The following ARHGAP39 variants were observed in gnomAD, a reference collection of about 807,000 sequenced individuals.
ARHGAP39 encodes the protein rho GTPase-activating protein 39.
A neutral mutation model predicts 106.9 loss-of-function variants in ARHGAP39; 44 were observed. The ratio of observed to expected loss-of-function variants is 0.41; its 90% CI spans 0.32 to 0.53. ARHGAP39 has a LOEUF of 0.53. ARHGAP39 is among the 20% of genes least tolerant of loss of function. The probability of loss-of-function intolerance (pLI) is 0.21; values close to 1 mark genes in which losing one functional copy is unlikely to be tolerated. For missense variants in ARHGAP39, 1,496 were observed against 1,577.3 expected (o/e 0.95, Z 0.87); for synonymous variants, 768 against 693.2 (o/e 1.11, Z -1.69).
Position 144,533,113 on chromosome 8 carries a change from G to T in ARHGAP39, c.2888+13C>A, listed in dbSNP as rs771555451. ...GTGGCCCCCACACCCGGCGCCCGGG[G>T]TTGCCGTGGCACCTGAAGATGCCCT... On this transcript the variant is annotated intron_variant, in intron 9 of 11. Transcript: ENST00000377307. 3 of 1,593,352 alleles carry T rather than the reference G, an allele frequency of 1.9e-6. No individual in the cohort carries two copies. Among genetic ancestry groups the T allele is most frequent in the Non-Finnish European group, 2.6e-6 (3 of 1,171,150 alleles).
chr8:144,600,768 C>A (rs546362810), intron 2 of ARHGAP39, among the ~76,000 whole-genome samples: 1 of 149,682 alleles, frequency 6.7e-6, no homozygotes, highest in Non-Finnish European at 1.5e-5. Flanking sequence ...TACCTACCTG[C>A]GTGTGCATGG....
chr8:144,648,945 C>T (rs758686918), intron 1 of ARHGAP39, among the ~76,000 whole-genome samples: 2 of 152,006 alleles, frequency 1.3e-5, no homozygotes, highest in Non-Finnish European at 2.9e-5. Context: ...CCGAAAGAAT[C>T]AGAGGGCAAG....
chr8:144,672,995 T>A (rs1822137638), intron 1 of ARHGAP39, among the ~76,000 whole-genome samples: 1 of 152,068 alleles, frequency 6.6e-6, no homozygotes, highest in Admixed American at 6.5e-5. Context: ...AGCGGGAGGA[T>A]CACTTGAGCC....
chr8:144,594,313 G>T (rs1208391652), intron 2 of ARHGAP39, among the ~76,000 whole-genome samples: 1 of 152,188 alleles, frequency 6.6e-6, no homozygotes, highest in East Asian at 1.9e-4. Context: ...AGGATGTGGA[G>T]AAACTGGAAC....
rs567471037 is a variant in ARHGAP39, at chr8:144,604,167, G to A, written c.80+1368C>T. ...GGCACAAAGCATCAGACACGGAGCCGGGCCCAGAGCGCCCAGAGGTGGCCG... is the reference window on the plus strand; with the variant it reads ...GGCACAAAGCATCAGACACGGAGCCAGGCCCAGAGCGCCCAGAGGTGGCCG... On this transcript the variant is annotated intron_variant, in intron 2 of 11. Transcript: ENST00000377307. This position sits in a 1 kb window ranked among gnomAD's most constrained non-coding sequence, Gnocchi z 4.1. Among the ~76,000 whole-genome samples the A allele has an allele frequency of 5.9e-5, 9 of 152,304 alleles. No homozygotes were observed. The highest frequency in any genetic ancestry group is 7.3e-5 in the Non-Finnish European group (5 of 68,034).
rs1821401422 is a variant in ARHGAP39, at chr8:144,644,766, T to C, written c.-81-39071A>G. Among the ~76,000 whole-genome samples, 1 of 152,188 alleles carries C rather than the reference T, an allele frequency of 6.6e-6. No homozygotes were observed. The highest frequency in any genetic ancestry group is 2.1e-4 in the South Asian group (1 of 4,828). On this transcript the variant is annotated intron_variant, in intron 1 of 11. Coordinates refer to ENST00000377307, the MANE Select transcript of ARHGAP39 (RefSeq NM_025251.3). The surrounding 1 kb of genome is among the most constrained non-coding windows in gnomAD (Gnocchi z 4.8). ...GCACCTGGCCTTTCAGCACCAGGTGTCTGCACAGCTCTTGGCTGCACCTGC... is the reference window on the plus strand; with the variant it reads ...GCACCTGGCCTTTCAGCACCAGGTGCCTGCACAGCTCTTGGCTGCACCTGC...
intron 1 of ARHGAP39, among the ~76,000 whole-genome samples, chr8:144,649,835 T>C (rs991577388): frequency 2.0e-5 from 3 of 152,058 alleles, no homozygotes; most frequent in Non-Finnish European, 2.9e-5. Flanking sequence ...AACACCTCTA[T>C]GCACACAAAC....
chr8:144,580,459 C>T (rs1215788715), intron 3 of ARHGAP39, among the ~76,000 whole-genome samples: 2 of 152,214 alleles, frequency 1.3e-5, no homozygotes, highest in Admixed American at 1.3e-4. Context: ...GAGCGCCAGG[C>T]TCTGCTGCCC....
At chr8:144,595,371 G>A (rs1051377063) in intron 2 of ARHGAP39, among the ~76,000 whole-genome samples, 2 of 152,204 alleles carry the variant, frequency 1.3e-5, no homozygotes, top group African/African-American at 4.8e-5. Flanking sequence ...GTCTGGAGCA[G>A]GTGAATCCCA....
At position 144,555,615 on chromosome 8, in the gene ARHGAP39, T is replaced by C. The variant is rs544983952; in HGVS notation, c.541A>G (p.Lys181Glu). ...TAATCCCGGTAAATCTCATAGTCCT[T>C]CTCAAGGAACACTCCTGGTGGTGAA... Reference protein sequence around the residue: ...SSSPPGVFLEKDYEIYRDYSA... With the variant: ...SSSPPGVFLEEDYEIYRDYSA... The change falls in exon 4 of 12, where the codon AAG (lysine) becomes GAG (glutamate). Residue 181 changes from lysine to glutamate, a missense_variant. Coordinates refer to ENST00000377307, the MANE Select transcript of ARHGAP39 (RefSeq NM_025251.3). 6.2e-6 allele frequency: 10 copies of C among 1,613,850 alleles called. No individual in the cohort carries two copies. The African/African-American group carries it at 1.3e-4, about 22-fold the overall frequency.
intron 4 of ARHGAP39, among the ~76,000 whole-genome samples, chr8:144,553,190 C>T (rs1258445372): frequency 1.3e-5 from 2 of 152,188 alleles, no homozygotes; most frequent in Non-Finnish European, 2.9e-5. Context: ...GGGACCCTGG[C>T]ACACTCTGCA....
chr8:144,554,925 G>A (rs898638276), intron 4 of ARHGAP39, among the ~76,000 whole-genome samples: 2 of 152,180 alleles, frequency 1.3e-5, no homozygotes, highest in African/African-American at 4.8e-5. Flanking sequence ...AGTGCCCCTG[G>A]GTGGCCCATG....
chr8:144,600,975 TGGA>T (rs372954630), intron 2 of ARHGAP39, among the ~76,000 whole-genome samples: 2,112 of 139,032 alleles, frequency 0.015, 42 homozygotes, highest in African/African-American at 0.049. Context: ...TGCATGTGCG[TGGA>T]GGTGTGTGTG....
chr8:144,620,149 G>A (rs1223239595), intron 1 of ARHGAP39, among the ~76,000 whole-genome samples: 1 of 149,298 alleles, frequency 6.7e-6, no homozygotes, highest in African/African-American at 2.5e-5. Context: ...GTGTCCCTGA[G>A]AGCGTGTGCC....
chr8:144,652,880 G>C (rs1821607532), intron 1 of ARHGAP39, among the ~76,000 whole-genome samples: 2 of 151,766 alleles, frequency 1.3e-5, no homozygotes, highest in South Asian at 4.2e-4. Flanking sequence ...GTTCACCTAT[G>C]TAACAAACCT....
At chr8:144,545,845 T>TGGGGTGGTGGGGGGG in intron 5 of ARHGAP39, 35 bp from the exon 6 acceptor site, 1 of 1,042,206 alleles carries the variant, frequency 9.6e-7, no homozygotes, top group Admixed American at 2.6e-5. Flanking sequence ...CTGTTGGGGG[T>TGGGGTGGTGGGGGGG]GGGGGAGGGC....
intron 2 of ARHGAP39, among the ~76,000 whole-genome samples, chr8:144,593,101 C>A (rs1255609043): frequency 1.3e-5 from 2 of 152,188 alleles, no homozygotes; most frequent in Admixed American, 6.5e-5. Flanking sequence ...GGGTACCCGG[C>A]GGGATGGGCC....
At chr8:144,590,049 C>T (rs914505079) in intron 2 of ARHGAP39, among the ~76,000 whole-genome samples, 5 of 152,260 alleles carry the variant, frequency 3.3e-5, no homozygotes, top group Admixed American at 3.3e-4. Flanking sequence ...AAGGGTCTCT[C>T]GCCTGTCATC....
chr8:144,570,950 A>C (rs1818566058), intron 3 of ARHGAP39, among the ~76,000 whole-genome samples: 1 of 152,220 alleles, frequency 6.6e-6, no homozygotes, highest in Admixed American at 6.5e-5. Context: ...TGAATCTCTG[A>C]ATAGACGAAT....
Sources: allele counts gnomAD v4.1 joint callset (sites outside exome capture counted in the v4.1 genomes callset), GRCh38; gene constraint gnomAD v4.1.1; non-coding constraint Gnocchi (gnomAD v3.1); transcripts MANE v1.5; gene names NCBI Gene and HGNC (gene_info 2026-07-23, HGNC 2026-07-21).